Variants in CREB1 observed in about 807,000 individuals in gnomAD.
CREB1 encodes the protein cyclic AMP-responsive element-binding protein 1.
A neutral mutation model predicts 42.0 loss-of-function variants in CREB1; 2 were observed. That is an observed-to-expected ratio of 0.05 (90% CI 0.02 to 0.15). The LOEUF (loss-of-function observed/expected upper bound fraction) is 0.15, where lower values mean the gene tolerates loss of function less well. CREB1 is among the 10% of genes least tolerant of loss of function. The probability of loss-of-function intolerance (pLI) is 1.00; values close to 1 mark genes in which losing one functional copy is unlikely to be tolerated. For synonymous variants in CREB1, 123 were observed against 139.9 expected (o/e 0.88, Z 0.85); for missense variants, 199 against 388.9 (o/e 0.51, Z 4.11).
chr2:207,556,743 CT>C (rs2081739013), intron 2 of CREB1, among the ~76,000 whole-genome samples: 1 of 152,330 alleles, frequency 6.6e-6, no homozygotes, highest in African/African-American at 2.4e-5. Flanking sequence ...ACGAGGCAGG[CT>C]GCAGGATTGA....
rs1346017643 is a variant in CREB1 at position 207,599,391 on chromosome 2, T to C, written c.*2333T>C. On this transcript the variant is annotated 3_prime_UTR_variant, in exon 8 of 8. Transcript: ENST00000353267. Reference sequence around the variant, plus strand: ...GTGTTATAAATGAAAAATTGCCTGATGTTTAGCAGTTTGTATTCTCTAAAG... The same window carrying C: ...GTGTTATAAATGAAAAATTGCCTGACGTTTAGCAGTTTGTATTCTCTAAAG... The C allele has an allele frequency of 9.7e-6, 2 of 206,612 alleles. No homozygotes were observed. The highest frequency in any genetic ancestry group is 2.3e-5 in the African/African-American group (1 of 43,926). 12.8% of individuals were successfully genotyped at this position (206,612 alleles called of 1,614,324 possible). A position where few individuals can be genotyped will look rare whatever the true frequency, so the allele number is the denominator to read the frequency against.
At chr2:207,541,039 G>C (rs900115466) in intron 1 of CREB1, among the ~76,000 whole-genome samples, 1 of 152,150 alleles carries the variant, frequency 6.6e-6, no homozygotes, top group Non-Finnish European at 1.5e-5. Flanking sequence ...GGCCAACATG[G>C]TGAAACCCTG....
At chr2:207,579,760 C>G (rs71429775) in intron 7 of CREB1, among the ~76,000 whole-genome samples, 1 of 152,178 alleles carries the variant, frequency 6.6e-6, no homozygotes, top group Admixed American at 6.5e-5. Flanking sequence ...TTTTCAGCCT[C>G]CATTCACTGG....
At chr2:207,544,347 C>T (rs1559268243) in intron 1 of CREB1, among the ~76,000 whole-genome samples, 1 of 152,142 alleles carries the variant, frequency 6.6e-6, no homozygotes, top group Non-Finnish European at 1.5e-5. Flanking sequence ...AAATAGGCAG[C>T]TATTCTTTCT....
At chr2:207,551,887 T>C (rs947703635) in intron 1 of CREB1, among the ~76,000 whole-genome samples, 1 of 150,992 alleles carries the variant, frequency 6.6e-6, no homozygotes, top group Non-Finnish European at 1.5e-5. Context: ...ACTAAAAATA[T>C]AAAAAATTAG....
chr2:207,596,540 G>A (rs997269102), intron 7 of CREB1, among the ~76,000 whole-genome samples: 3 of 151,994 alleles, frequency 2.0e-5, no homozygotes, highest in African/African-American at 7.2e-5. Context: ...TTCAAGCGAT[G>A]CCCATGGCTC....
intron 5 of CREB1, among the ~76,000 whole-genome samples, chr2:207,570,766 G>A (rs2082321939): frequency 6.6e-6 from 1 of 151,972 alleles, no homozygotes. Flanking sequence ...TTTCAAGTGG[G>A]GATAAGCATG....
intron 1 of CREB1, among the ~76,000 whole-genome samples, chr2:207,534,294 T>C (rs562030228): frequency 6.6e-6 from 1 of 152,258 alleles, no homozygotes; most frequent in African/African-American, 2.4e-5. Context: ...TGGTGTGCAG[T>C]GATGCAGTCT....
At chr2:207,538,109 A>G (rs566217625) in intron 1 of CREB1, among the ~76,000 whole-genome samples, 34 of 152,298 alleles carry the variant, frequency 2.2e-4, no homozygotes, top group Admixed American at 1.2e-3. Flanking sequence ...GGAATTTTTC[A>G]TGGCATCATG....
At position 207,601,106 on chromosome 2, in the gene CREB1, T is replaced by C. The variant is rs893438100; in HGVS notation, c.*4048T>C. On this transcript the variant is annotated 3_prime_UTR_variant, in exon 8 of 8. Coordinates refer to ENST00000353267, the MANE Select transcript of CREB1 (RefSeq NM_004379.5). ...TTTAGAAATAGTGTTACATACCTTT[T>C]CAGTTGTTTTCAAGAGGCTTTATTT... The C allele has an allele frequency of 1.6e-5, 2 of 125,228 alleles. No individual in the cohort carries two copies. The highest frequency in any genetic ancestry group is 1.2e-4 in the East Asian group (1 of 8,366). 7.8% of individuals were successfully genotyped at this position (125,228 alleles called of 1,614,324 possible). A position where few individuals can be genotyped will look rare whatever the true frequency, so the allele number is the denominator to read the frequency against.
At position 207,605,642 on chromosome 2, in the gene CREB1, CCTT is replaced by C. The variant is rs1184744980; in HGVS notation, c.*8585_*8587del. ...TGTATGTTCTCTCCTCCTCCCTCTC[CCTT>C]TTTTTACACAAAAGGTAGGTACAAA... On this transcript the variant is annotated 3_prime_UTR_variant, in exon 8 of 8. Coordinates refer to ENST00000353267, the MANE Select transcript of CREB1 (RefSeq NM_004379.5). Among the ~76,000 whole-genome samples, 1 of 152,148 alleles carries C rather than the reference CCTT, an allele frequency of 6.6e-6. No individual in the cohort carries two copies. The highest frequency in any genetic ancestry group is 2.4e-5 in the African/African-American group (1 of 41,428).
intron 1 of CREB1, among the ~76,000 whole-genome samples, chr2:207,536,270 G>A (rs2080866813): frequency 6.6e-6 from 1 of 152,164 alleles, no homozygotes. Context: ...AAGCTGTCAT[G>A]GGCCAGTCGC....
intron 1 of CREB1, among the ~76,000 whole-genome samples, chr2:207,538,679 G>A (rs2080972322): frequency 6.6e-6 from 1 of 152,206 alleles, no homozygotes; most frequent in Non-Finnish European, 1.5e-5. Context: ...AGGGTTAAAA[G>A]GGAAGTTATT....
intron 1 of CREB1, among the ~76,000 whole-genome samples, chr2:207,546,681 C>T (rs1228257275): frequency 6.6e-6 from 1 of 151,814 alleles, no homozygotes; most frequent in African/African-American, 2.4e-5. Flanking sequence ...GAGCTGAGAT[C>T]ATGCCACTCA....
intron 1 of CREB1, among the ~76,000 whole-genome samples, chr2:207,551,377 T>A (rs2081495660): frequency 6.6e-6 from 1 of 152,196 alleles, no homozygotes; most frequent in African/African-American, 2.4e-5. Context: ...AGGAAAAACT[T>A]TACAAGTTAA....
chr2:207,553,369 C>T (rs559771652), intron 1 of CREB1, among the ~76,000 whole-genome samples: 1 of 152,214 alleles, frequency 6.6e-6, no homozygotes, highest in African/African-American at 2.4e-5. Flanking sequence ...GCGCCGGGCC[C>T]AGGTAAACTT....
chr2:207,553,215 C>T (rs978635064), intron 1 of CREB1, among the ~76,000 whole-genome samples: 4 of 151,720 alleles, frequency 2.6e-5, no homozygotes, highest in Non-Finnish European at 5.9e-5. Context: ...ATTACAGGTG[C>T]CCACTGCCAC....
Position 207,600,146 on chromosome 2 carries a change from C to G in CREB1, c.*3088C>G, listed in dbSNP as rs975349026. 1 of 180,814 alleles carries G rather than the reference C, an allele frequency of 5.5e-6. No homozygotes were observed. The highest frequency in any genetic ancestry group is 1.2e-5 in the Non-Finnish European group (1 of 85,086). 11.2% of individuals were successfully genotyped at this position (180,814 alleles called of 1,614,324 possible). A position where few individuals can be genotyped will look rare whatever the true frequency, so the allele number is the denominator to read the frequency against. ...TTTTAAGTTCATTCTTTTTCAAACTCAAGTACCATATTGGCAACCATAATA... is the reference window on the plus strand; with the variant it reads ...TTTTAAGTTCATTCTTTTTCAAACTGAAGTACCATATTGGCAACCATAATA... On this transcript the variant is annotated 3_prime_UTR_variant, in exon 8 of 8. Transcript: ENST00000353267.
At chr2:207,572,743 A>AG (rs1278089603) in intron 5 of CREB1, among the ~76,000 whole-genome samples, 2 of 151,518 alleles carry the variant, frequency 1.3e-5, no homozygotes, top group African/African-American at 2.4e-5. Flanking sequence ...GTGAACCCAG[A>AG]GGGCGGAGCC....
Sources: gnomAD v4.1 joint callset for allele counts (sites outside exome capture counted in the v4.1 genomes callset) on GRCh38, gnomAD v4.1.1 for gene constraint, MANE v1.5 for transcripts, NCBI Gene and HGNC (gene_info 2026-07-23, HGNC 2026-07-21) for gene names.